The following FBH1 variants were observed in gnomAD, a reference collection of about 807,000 sequenced individuals.
FBH1 encodes F-box DNA helicase 1.
In FBH1, 43 loss-of-function variants were observed where a neutral mutation model predicts 115.5. That is an observed-to-expected ratio of 0.37 (90% CI 0.29 to 0.48). The LOEUF (loss-of-function observed/expected upper bound fraction) is 0.48. Ranked by LOEUF, FBH1 falls within the 20% of genes least tolerant of loss-of-function variation. The pLI is 0.99. For synonymous variants in FBH1, 524 were observed against 507.8 expected (o/e 1.03, Z -0.43); for missense variants, 1,001 against 1,337.3 (o/e 0.75, Z 3.92).
At position 5,917,173 on chromosome 10, in the gene FBH1, CCTAA is replaced by C. The variant is rs1016622170; in HGVS notation, c.1789-244_1789-241del. 83 of 504,134 alleles carry C rather than the reference CCTAA, an allele frequency of 1.6e-4. No individual in the cohort carries two copies. The Admixed American group carries it at 2.6e-3, about 16-fold the overall frequency. 31.2% of individuals were successfully genotyped at this position (504,134 alleles called of 1,614,324 possible). ...GAACAATTTGGCCTTTTCTGGTTCACCTAACTGTTATGATCTCTGTCCTGTCACG... is the reference window on the plus strand; with the variant it reads ...GAACAATTTGGCCTTTTCTGGTTCACCTGTTATGATCTCTGTCCTGTCACG... On this transcript the variant is annotated intron_variant, in intron 10 of 20. Transcript: ENST00000362091. The surrounding 1 kb of genome is among the most constrained non-coding windows in gnomAD (Gnocchi z 5.6).
Position 5,917,514 on chromosome 10 carries a change from G to A in FBH1, c.1876+7G>A, listed in dbSNP as rs114138615. 207 of 1,614,130 alleles carry A rather than the reference G, an allele frequency of 1.3e-4. 1 individual carries two copies. The African/African-American group carries it at 2.4e-3, about 19-fold the overall frequency. On this transcript the variant is annotated splice_region_variant and intron_variant, in intron 11 of 20. Coordinates refer to ENST00000362091, the MANE Select transcript of FBH1 (RefSeq NM_178150.3). The surrounding 1 kb of genome is among the most constrained non-coding windows in gnomAD (Gnocchi z 5.6). ...CACCAGATGACTCATGACGGTAGGC[G>A]GCTGCCGAATGGCGGGGACTGGCCA...
At position 5,910,019 on chromosome 10, in the gene FBH1, CGCCTG is replaced by C. The variant is rs2131954923; in HGVS notation, c.1020+726_1020+730del. Among the ~76,000 whole-genome samples, 1 of 152,286 alleles carries C rather than the reference CGCCTG, an allele frequency of 6.6e-6. No individual in the cohort carries two copies. The highest frequency in any genetic ancestry group is 6.5e-5 in the Admixed American group (1 of 15,286). On this transcript the variant is annotated intron_variant, in intron 5 of 20. Transcript: ENST00000362091. This position sits in a 1 kb window ranked among gnomAD's most constrained non-coding sequence, Gnocchi z 4.8. Reference sequence around the variant, plus strand: ...GGTAAAGGCTGGGCGTGGTGGCTCACGCCTGTTATCCCAGCACTTTGTGAGGCCAA... The same window carrying C: ...GGTAAAGGCTGGGCGTGGTGGCTCACTTATCCCAGCACTTTGTGAGGCCAA...
rs1038630797 is a variant in FBH1 at position 5,897,384 on chromosome 10, C to T, written c.2-5636C>T. On this transcript the variant is annotated intron_variant, in intron 1 of 20. Transcript: ENST00000362091. The surrounding 1 kb of genome is among the most constrained non-coding windows in gnomAD (Gnocchi z 4.7). ...CGTGTAATTGCAGAGGAGGTGGACA[C>T]AGGGCTCCTGCGGAGGAGGTGGACA... Among the ~76,000 whole-genome samples, 2 of 150,574 alleles carry T rather than the reference C, an allele frequency of 1.3e-5. No homozygotes were observed. Among genetic ancestry groups the T allele is most frequent in the African/African-American group, 4.9e-5 (2 of 40,556 alleles).
intron 18 of FBH1, among the ~76,000 whole-genome samples, chr10:5,926,092 G>A (rs202154466): frequency 7.8e-6 from 1 of 128,918 alleles, no homozygotes; most frequent in Non-Finnish European, 1.7e-5. Context: ...TGTTGTTGTT[G>A]TTATTATTAT....
Position 5,935,548 on chromosome 10 carries a change from C to A in FBH1, c.2830-908C>A, listed in dbSNP as rs1392154865. On this transcript the variant is annotated intron_variant, in intron 19 of 20. Transcript: ENST00000362091. The surrounding 1 kb of genome is among the most constrained non-coding windows in gnomAD (Gnocchi z 5.2). ...GGGACTTCAGCAAAATCTGTGACTT[C>A]AGACAGGATTTCACCTCGTCAGCTG... is the stretch of plus-strand genomic sequence containing the variant. 1 of 152,244 alleles carries A rather than the reference C, an allele frequency of 6.6e-6. No individual in the cohort carries two copies. The highest frequency in any genetic ancestry group is 1.5e-5 in the Non-Finnish European group (1 of 68,046). The allele number at this position is 152,244 out of a possible 1,614,324, so 9.4% of individuals were successfully genotyped here.
Position 5,936,351 on chromosome 10 carries a change from T to TA in FBH1, c.2830-104dup. On this transcript the variant is annotated intron_variant, in intron 19 of 20. Transcript: ENST00000362091. The surrounding 1 kb of genome is among the most constrained non-coding windows in gnomAD (Gnocchi z 5.6). ...AGGCGGGGTTTTTCTCTCTGGGACT[T>TA]ACAGTGCATCTAAAGGGTTCTCACA... 5.2e-6 allele frequency: 7 copies of TA among 1,342,620 alleles called. No individual in the cohort carries two copies. The highest frequency in any genetic ancestry group is 7.2e-6 in the Non-Finnish European group (7 of 969,650). The allele number at this position is 1,342,620 out of a possible 1,614,324, so 83.2% of individuals were successfully genotyped here.
At position 5,937,206 on chromosome 10, in the gene FBH1, G is replaced by A. The variant is rs1407928480; in HGVS notation, c.3058G>A (p.Val1020Met). The A allele has an allele frequency of 1.2e-5, 20 of 1,613,940 alleles. No individual in the cohort carries two copies. Among genetic ancestry groups the A allele is most frequent in the Non-Finnish European group, 1.6e-5 (19 of 1,179,970 alleles). ...LAFLTASPEQ[V>M]RAMERTVENI... ...GTTCCTGACAGCCTCCCCGGAGCAG[G>A]TGCGCGCCATGGAGCGCACTGTGGA... is the stretch of plus-strand genomic sequence containing the variant. Residue 1020 changes from valine to methionine, a missense_variant, in exon 21 of 21, where the codon GTG becomes ATG. This residue lies in a region of FBH1 where 521 missense variants were observed against 811.0 expected (regional missense o/e 0.64). Transcript: ENST00000362091.
rs1832040871 is a variant in FBH1, at chr10:5,917,501, C to T, written c.1870C>T (p.His624Tyr). The change falls in exon 11 of 21, where the codon CAT becomes TAT. Residue 624 changes from histidine (H) to tyrosine (Y), a missense_variant. His to Tyr is a moderately conservative substitution (Grantham distance 83). Coordinates refer to ENST00000362091, the MANE Select transcript of FBH1 (RefSeq NM_178150.3). This position sits in a 1 kb window ranked among gnomAD's most constrained non-coding sequence, Gnocchi z 5.6. Reference protein sequence around the residue: ...ECTEEAHQMTHDGYLKLWQLS... With the variant: ...ECTEEAHQMTYDGYLKLWQLS... ...CACAGAAGAGGCGCACCAGATGACT[C>T]ATGACGGTAGGCGGCTGCCGAATGG... 1.9e-6 allele frequency: 3 copies of T among 1,614,222 alleles called. No homozygotes were observed. Among genetic ancestry groups the T allele is most frequent in the Admixed American group, 3.3e-5 (2 of 60,028 alleles).
At position 5,923,277 on chromosome 10, in the gene FBH1, C is replaced by A. The variant is rs1264971663; in HGVS notation, c.2323-344C>A. Among the ~76,000 whole-genome samples, 1 of 152,204 alleles carries A rather than the reference C, an allele frequency of 6.6e-6. No individual in the cohort carries two copies. Among genetic ancestry groups the A allele is most frequent in the African/African-American group, 2.4e-5 (1 of 41,434 alleles). On this transcript the variant is annotated intron_variant, in intron 15 of 20. Transcript: ENST00000362091. The surrounding 1 kb of genome is among the most constrained non-coding windows in gnomAD (Gnocchi z 5.7). The stretch of plus-strand genomic sequence containing the variant: ...GTGTTCTTTGGAATCGTCTTATGTT[C>A]TTGGAAGATGCTTAAATTGCCTTTT...
chr10:5,934,290 A>G (rs1290189134), intron 19 of FBH1: 4 of 151,980 alleles, frequency 2.6e-5, no homozygotes, highest in African/African-American at 9.7e-5. Context: ...TTGTTTCTTT[A>G]AGTTTTGGGA....
At position 5,906,119 on chromosome 10, in the gene FBH1, T is replaced by C. The variant is rs1225020160; in HGVS notation, c.240T>C (p.Ser80=). The C allele has an allele frequency of 1.2e-6, 2 of 1,614,046 alleles. No individual in the cohort carries two copies. The highest frequency in any genetic ancestry group is 1.3e-5 in the African/African-American group (1 of 74,914). ...PCTNDMAKSN[S]VGQDSCQDSE... Reference sequence around the variant, plus strand: ...CCAATGACATGGCCAAAAGCAATTCTGTTGGCCAGGACAGCTGTCAGGACT... The same window carrying C: ...CCAATGACATGGCCAAAAGCAATTCCGTTGGCCAGGACAGCTGTCAGGACT... Residue 80 remains serine (S), a synonymous_variant, in exon 3 of 21, where the codon TCT becomes TCC. Coordinates refer to ENST00000362091, the MANE Select transcript of FBH1 (RefSeq NM_178150.3). The surrounding 1 kb of genome is among the most constrained non-coding windows in gnomAD (Gnocchi z 7.3).
chr10:5,907,407 C>T (rs973894979), intron 3 of FBH1, among the ~76,000 whole-genome samples: 5 of 151,192 alleles, frequency 3.3e-5, no homozygotes, highest in African/African-American at 1.2e-4. Flanking sequence ...ATATTTTCTA[C>T]TTTTCTTTGT....
rs1169294083 is a variant in FBH1 at position 5,913,020 on chromosome 10, G to A, written c.1212-727G>A. ...TTTCGCTCTGGGGATGGGGGGCAGT[G>A]CACTCGATTGTTGGGGGAGCGAGTC... On this transcript the variant is annotated intron_variant, in intron 6 of 20. Coordinates refer to ENST00000362091, the MANE Select transcript of FBH1 (RefSeq NM_178150.3). The surrounding 1 kb of genome is among the most constrained non-coding windows in gnomAD (Gnocchi z 4.4). 6.6e-6 allele frequency among the ~76,000 whole-genome samples: 1 copy of A among 152,158 alleles called. No homozygotes were observed. The highest frequency in any genetic ancestry group is 6.5e-5 in the Admixed American group (1 of 15,278).
chr10:5,893,171 C>T (rs1385475591), intron 1 of FBH1, among the ~76,000 whole-genome samples: 2 of 152,070 alleles, frequency 1.3e-5, no homozygotes, highest in Admixed American at 6.6e-5. Flanking sequence ...CTGGCTGTGG[C>T]GGTGTGCACC....
In FBH1 at chr10:5,897,064, A is replaced by G. The variant is rs1300249482; in HGVS notation, c.2-5956A>G. The stretch of plus-strand genomic sequence containing the variant: ...ACCATTTAGCAAGAACATTAATGCT[A>G]TTAAAACTGATGTGCCTTAGGAGAC... On this transcript the variant is annotated intron_variant, in intron 1 of 20. Coordinates refer to ENST00000362091, the MANE Select transcript of FBH1 (RefSeq NM_178150.3). The surrounding 1 kb of genome is among the most constrained non-coding windows in gnomAD (Gnocchi z 4.7). Among the ~76,000 whole-genome samples, 2 of 152,212 alleles carry G rather than the reference A, an allele frequency of 1.3e-5. No homozygotes were observed. The highest frequency in any genetic ancestry group is 1.9e-4 in the East Asian group (1 of 5,194).
At chr10:5,898,122 C>G (rs1046503974) in intron 1 of FBH1, among the ~76,000 whole-genome samples, 1 of 152,188 alleles carries the variant, frequency 6.6e-6, no homozygotes, top group Non-Finnish European at 1.5e-5. Flanking sequence ...ATTCACAGAA[C>G]GTGTGCTGCC....
chr10:5,921,108 T>C lies in FBH1; in HGVS notation c.2101-150T>C. On this transcript the variant is annotated intron_variant, in intron 13 of 20. Transcript: ENST00000362091. This position sits in a 1 kb window ranked among gnomAD's most constrained non-coding sequence, Gnocchi z 6.4. ...AAAGACTGCTGAGTTGTGAAGGACC[T>C]TGAAAGTGAGCCTGTGAAGTTCGCT... is the stretch of plus-strand genomic sequence containing the variant. The C allele has an allele frequency of 1.6e-6, 1 of 638,536 alleles. No homozygotes were observed. The allele number at this position is 638,536 out of a possible 1,614,324, so 39.6% of individuals were successfully genotyped here. A position where few individuals can be genotyped will look rare whatever the true frequency, so the allele number is the denominator to read the frequency against.
chr10:5,911,208 T>G lies in FBH1; in HGVS notation c.1211+80T>G, dbSNP rs976624232. The G allele has an allele frequency of 4.4e-5, 61 of 1,373,304 alleles. No individual in the cohort carries two copies. Among genetic ancestry groups the G allele is most frequent in the Non-Finnish European group, 4.9e-5 (49 of 1,001,276 alleles). The allele number at this position is 1,373,304 out of a possible 1,614,324, so 85.1% of individuals were successfully genotyped here. A position where few individuals can be genotyped will look rare whatever the true frequency, so the allele number is the denominator to read the frequency against. On this transcript the variant is annotated intron_variant, in intron 6 of 20. Transcript: ENST00000362091. This position sits in a 1 kb window ranked among gnomAD's most constrained non-coding sequence, Gnocchi z 5.4. ...ACAGCAGCAGGTCCAGCCCTGCCACTTAGCAGTGTTAGCACCTGGCAGGCT... is the reference window on the plus strand; with the variant it reads ...ACAGCAGCAGGTCCAGCCCTGCCACGTAGCAGTGTTAGCACCTGGCAGGCT...
At chr10:5,903,629 G>A (rs1012480272) in intron 2 of FBH1, among the ~76,000 whole-genome samples, 35 of 152,126 alleles carry the variant, frequency 2.3e-4, no homozygotes, top group African/African-American at 8.2e-4. Flanking sequence ...GCGCCCCGCC[G>A]AGTTTTCCAT....
Sources: gnomAD v4.1 joint callset for allele counts (sites outside exome capture counted in the v4.1 genomes callset) on GRCh38, gnomAD v4.1.1 for gene constraint, gnomAD v4.1.1 regional missense constraint, Gnocchi (gnomAD v3.1) non-coding constraint, MANE v1.5 for transcripts, NCBI Gene and HGNC (gene_info 2026-07-23, HGNC 2026-07-21) for gene names.